The following HTR1F variants were observed in gnomAD, a reference collection of about 807,000 sequenced individuals.
The protein encoded by HTR1F is 5-hydroxytryptamine receptor 1F, also known as 5-hydroxytryptamine (serotonin) receptor 1F, G protein-coupled.
HTR1F carries 17 observed loss-of-function variants against 24.0 expected under a neutral mutation model. The ratio of observed to expected loss-of-function variants is 0.71; its 90% CI spans 0.48 to 1.06. The LOEUF is 1.06. Among genes scored for constraint, HTR1F ranks in the 50% least tolerant of loss-of-function variants. The pLI is 0.00. For synonymous variants in HTR1F, 186 were observed against 156.8 expected (o/e 1.19, Z -1.39); for missense variants, 391 against 427.8 (o/e 0.91, Z 0.76).
chr3:87,946,225 C>T (rs1439350313), intron 2 of HTR1F, among the ~76,000 whole-genome samples: 1 of 152,032 alleles, frequency 6.6e-6, no homozygotes, highest in Non-Finnish European at 1.5e-5. Context: ...AAGTCAGCGG[C>T]GGTATGCGAC....
At position 87,993,149 on chromosome 3, in the gene HTR1F, T is replaced by C. The variant is rs915090452; in HGVS notation, c.*1299T>C. On this transcript the variant is annotated 3_prime_UTR_variant, in exon 3 of 3. Coordinates refer to ENST00000319595, the MANE Select transcript of HTR1F (RefSeq NM_001322209.2). ...CCAAGATCGTTTGAAAAACAATATA[T>C]ACCTTTTTTTAAGTTGTACATTTAT... 16 of 166,876 alleles carry C rather than the reference T, an allele frequency of 9.6e-5. No individual in the cohort carries two copies. The highest frequency in any genetic ancestry group is 3.6e-4 in the African/African-American group (15 of 41,394). The allele number at this position is 166,876 out of a possible 1,614,324, so 10.3% of individuals were successfully genotyped here.
intron 2 of HTR1F, among the ~76,000 whole-genome samples, chr3:87,925,697 C>A (rs1704109452): frequency 6.6e-6 from 1 of 152,080 alleles, no homozygotes; most frequent in South Asian, 2.1e-4. Context: ...CACTTGGACT[C>A]CAGGGATCTT....
intron 2 of HTR1F, among the ~76,000 whole-genome samples, chr3:87,870,335 T>A (rs373121255): frequency 6.6e-6 from 1 of 152,090 alleles, no homozygotes; most frequent in Non-Finnish European, 1.5e-5. Context: ...AGTAGTAAGA[T>A]GGAAGAATTC....
At chr3:87,848,991 A>G (rs1215102904) in intron 2 of HTR1F, among the ~76,000 whole-genome samples, 1 of 151,666 alleles carries the variant, frequency 6.6e-6, no homozygotes, top group African/African-American at 2.4e-5. Flanking sequence ...TTGCATGCTC[A>G]TGGGTAGGAA....
intron 2 of HTR1F, among the ~76,000 whole-genome samples, chr3:87,932,242 C>A (rs1468831898): frequency 6.6e-6 from 1 of 152,226 alleles, no homozygotes; most frequent in Non-Finnish European, 1.5e-5. Context: ...GGAAGGGATC[C>A]AGTTTCAGCC....
chr3:87,897,249 T>TAC (rs1013337732), intron 2 of HTR1F, among the ~76,000 whole-genome samples: 11 of 148,842 alleles, frequency 7.4e-5, no homozygotes, highest in African/African-American at 2.7e-4. Flanking sequence ...TATATATATA[T>TAC]ATAATTCAGC....
At chr3:87,921,212 C>G (rs1479267510) in intron 2 of HTR1F, among the ~76,000 whole-genome samples, 1 of 151,836 alleles carries the variant, frequency 6.6e-6, no homozygotes, top group East Asian at 1.9e-4. Context: ...GTGTTAACAG[C>G]CTATATCATA....
At chr3:87,833,348 G>A (rs897902438) in intron 2 of HTR1F, among the ~76,000 whole-genome samples, 1 of 152,074 alleles carries the variant, frequency 6.6e-6, no homozygotes, top group Non-Finnish European at 1.5e-5. Context: ...TTGTCCTTGA[G>A]CTTGCTATAT....
intron 2 of HTR1F, among the ~76,000 whole-genome samples, chr3:87,949,904 A>G (rs1173377602): frequency 6.6e-6 from 1 of 152,194 alleles, no homozygotes. Flanking sequence ...TTGGCAACCT[A>G]TAAAGGAAAG....
In HTR1F at chr3:87,991,185, A is replaced by C. The variant is rs767315136; in HGVS notation, c.436A>C (p.Ile146Leu). 1 of 1,614,024 alleles carries C rather than the reference A, an allele frequency of 6.2e-7. No individual in the cohort carries two copies. The highest frequency in any genetic ancestry group is 8.5e-7 in the Non-Finnish European group (1 of 1,179,996). The change falls in exon 3 of 3, where the codon ATA becomes CTA. Residue 146 changes from isoleucine to leucine, a missense_variant. Ile to Leu is a conservative substitution (Grantham distance 5). Transcript: ENST00000319595. ...TPKHAGIMITIVWIISVFISM... is the reference protein window; with the variant it reads ...TPKHAGIMITLVWIISVFISM... Reference sequence around the variant, plus strand: ...AAAGCATGCTGGCATTATGATTACAATAGTTTGGATTATATCTGTTTTTAT... The same window carrying C: ...AAAGCATGCTGGCATTATGATTACACTAGTTTGGATTATATCTGTTTTTAT...
chr3:87,949,876 G>T (rs553631769), intron 2 of HTR1F, among the ~76,000 whole-genome samples: 1 of 152,324 alleles, frequency 6.6e-6, no homozygotes, highest in Non-Finnish European at 1.5e-5. Flanking sequence ...TACGTTGCTA[G>T]AAAGGAGTAT....
chr3:87,927,754 T>C (rs991599275), intron 2 of HTR1F, among the ~76,000 whole-genome samples: 2 of 152,172 alleles, frequency 1.3e-5, no homozygotes, highest in African/African-American at 2.4e-5. Context: ...TTTTCATGCC[T>C]ACCTGTACAA....
chr3:87,839,110 T>G (rs1704746189), intron 2 of HTR1F, among the ~76,000 whole-genome samples: 1 of 151,856 alleles, frequency 6.6e-6, no homozygotes, highest in Admixed American at 6.6e-5. Context: ...CTTGTGCATT[T>G]GGGTTCATAC....
intron 2 of HTR1F, among the ~76,000 whole-genome samples, chr3:87,926,631 A>G (rs1704132959): frequency 6.6e-6 from 1 of 152,166 alleles, no homozygotes; most frequent in East Asian, 1.9e-4. Flanking sequence ...AGTCCGTGGG[A>G]AAAATACTGC....
chr3:87,937,925 AAAG>A (rs1704466031), intron 2 of HTR1F, among the ~76,000 whole-genome samples: 1 of 120,540 alleles, frequency 8.3e-6, no homozygotes, highest in Non-Finnish European at 1.8e-5. Flanking sequence ...CTCCATCTCA[AAAG>A]AAAAAAAAAA....
At chr3:87,877,508 T>C (rs1295514350) in intron 2 of HTR1F, among the ~76,000 whole-genome samples, 2 of 152,164 alleles carry the variant, frequency 1.3e-5, no homozygotes, top group Admixed American at 1.3e-4. Context: ...TAAAAGTTAA[T>C]GATGATTAAG....
chr3:87,808,036 G>A (rs1704100912), intron 1 of HTR1F, among the ~76,000 whole-genome samples: 1 of 151,674 alleles, frequency 6.6e-6, no homozygotes, highest in South Asian at 2.1e-4. Context: ...ATTTTTTTGA[G>A]AATTTCTGTA....
chr3:87,815,137 A>G (rs1193004506), intron 1 of HTR1F, among the ~76,000 whole-genome samples: 1 of 152,252 alleles, frequency 6.6e-6, no homozygotes, highest in African/African-American at 2.4e-5. Context: ...AATTGTGTAA[A>G]AGGCAGGAAT....
intron 2 of HTR1F, among the ~76,000 whole-genome samples, chr3:87,950,551 G>A (rs1203392782): frequency 2.1e-5 from 3 of 144,624 alleles, no homozygotes; most frequent in Admixed American, 1.4e-4. Flanking sequence ...AATAATGATA[G>A]TGTCAACTTA....
Sources: allele counts gnomAD v4.1 joint callset (sites outside exome capture counted in the v4.1 genomes callset), GRCh38; gene constraint gnomAD v4.1.1; transcripts MANE v1.5; gene names NCBI Gene and HGNC (gene_info 2026-07-23, HGNC 2026-07-21).